The following CGGBP1 variants were observed in gnomAD, a reference collection of about 807,000 sequenced individuals.
The protein encoded by CGGBP1 is CGG triplet repeat binding protein 1, also known as CGG triplet repeat-binding protein 1.
A neutral mutation model predicts 11.4 loss-of-function variants in CGGBP1; 4 were observed. The observed-to-expected ratio is 0.35, with a 90% CI of 0.17 to 0.80. The LOEUF is 0.80. CGGBP1 is among the 30% of genes least tolerant of loss of function. The probability of loss-of-function intolerance (pLI) is 0.52; values close to 1 mark genes in which losing one functional copy is unlikely to be tolerated. For synonymous variants in CGGBP1, 76 were observed against 74.1 expected (o/e 1.03, Z -0.13); for missense variants, 135 against 202.1 (o/e 0.67, Z 2.01).
chr3:88,146,809 A>T (rs1707321128), intron 1 of CGGBP1, among the ~76,000 whole-genome samples: 1 of 152,118 alleles, frequency 6.6e-6, no homozygotes. Flanking sequence ...TTTGTCAGAA[A>T]GCCAGATCTC....
chr3:88,071,663 G>T (rs961935308), intron 2 of CGGBP1, among the ~76,000 whole-genome samples: 1 of 150,008 alleles, frequency 6.7e-6, no homozygotes, highest in Non-Finnish European at 1.5e-5. Flanking sequence ...AATTAGCCGG[G>T]CGTGGTGGCG....
intron 2 of CGGBP1, among the ~76,000 whole-genome samples, chr3:88,116,258 C>G: frequency 6.6e-6 from 1 of 152,182 alleles, no homozygotes; most frequent in South Asian, 2.1e-4. Context: ...TAGTGGTTCA[C>G]CCCTGTAATC....
At chr3:88,074,494 TC>T (rs1200269986) in intron 2 of CGGBP1, among the ~76,000 whole-genome samples, 1 of 151,986 alleles carries the variant, frequency 6.6e-6, no homozygotes, top group Non-Finnish European at 1.5e-5. Flanking sequence ...GGCATCTGCC[TC>T]CATGCCTGGC....
intron 2 of CGGBP1, chr3:88,139,792 GTGATTATGAAGAAGA>G (rs1369279320): frequency 5.1e-6 from 8 of 1,555,692 alleles, no homozygotes; most frequent in East Asian, 2.4e-5. Flanking sequence ...GATGAAGAAG[GTGATTATGAAGAAGA>G]TGATTATGAC....
intron 2 of CGGBP1, among the ~76,000 whole-genome samples, chr3:88,091,811 T>C (rs2107680827): frequency 6.6e-6 from 1 of 152,318 alleles, no homozygotes; most frequent in South Asian, 2.1e-4. Context: ...CATGCCTTTG[T>C]TCCTCCTTCG....
Position 88,052,593 on chromosome 3 carries a change from G to A in CGGBP1, c.*2880C>T, listed in dbSNP as rs141835951. Reference sequence around the variant, plus strand: ...CAACTGTACTTACAACAGTTTTAAAGCAATTGATACTTTCAGAACAATCTC... The same window carrying A: ...CAACTGTACTTACAACAGTTTTAAAACAATTGATACTTTCAGAACAATCTC... On this transcript the variant is annotated 3_prime_UTR_variant, in exon 4 of 4. Coordinates refer to ENST00000482016, the MANE Select transcript of CGGBP1 (RefSeq NM_001008390.2). 31 of 152,636 alleles carry A rather than the reference G, an allele frequency of 2.0e-4. No homozygotes were observed. Among genetic ancestry groups the A allele is most frequent in the African/African-American group, 6.7e-4 (28 of 41,574 alleles). The allele number at this position is 152,636 out of a possible 1,614,324, so 9.5% of individuals were successfully genotyped here. A position where few individuals can be genotyped will look rare whatever the true frequency, so the allele number is the denominator to read the frequency against.
Position 88,070,239 on chromosome 3 carries a change from A to G in CGGBP1, c.-228-12016T>C, listed in dbSNP as rs1008717828. ...AAATTTGGACACAATACTATTCTTC[A>G]TAACATTAATTATAATTAATGTAAT... On this transcript the variant is annotated intron_variant, in intron 2 of 3. Transcript: ENST00000462901. Among the ~76,000 whole-genome samples, 4 of 152,328 alleles carry G rather than the reference A, an allele frequency of 2.6e-5. No homozygotes were observed. In the East Asian group the frequency reaches 5.8e-4, roughly 22 times the overall value.
At chr3:88,136,444 G>A (rs4518156) in intron 2 of CGGBP1, among the ~76,000 whole-genome samples, 119,141 of 152,086 alleles carry the variant, frequency 0.78, 47,582 homozygotes, top group South Asian at 0.91. Flanking sequence ...CCTCAGTACT[G>A]TGAAGAGTCA....
chr3:88,059,610 C>G, upstream of CGGBP1: 1 of 1,399,012 alleles, frequency 7.1e-7, no homozygotes, highest in Non-Finnish European at 9.3e-7. Context: ...GTGCCCGCTC[C>G]TCCCCAACAA....
chr3:88,106,807 AT>A (rs940131296), intron 2 of CGGBP1, among the ~76,000 whole-genome samples: 1 of 151,486 alleles, frequency 6.6e-6, no homozygotes, highest in African/African-American at 2.4e-5. Context: ...TTATATGAGG[AT>A]TTTTTTTTCT....
chr3:88,129,656 A>T, intron 2 of CGGBP1: 1 of 1,366,244 alleles, frequency 7.3e-7, no homozygotes, highest in South Asian at 1.8e-5. Flanking sequence ...ATTTTTAATT[A>T]TATGAACTGA....
intron 2 of CGGBP1, among the ~76,000 whole-genome samples, chr3:88,081,408 TTCAC>T (rs983391706): frequency 5.5e-4 from 84 of 152,284 alleles, no homozygotes; most frequent in African/African-American, 1.8e-3. Flanking sequence ...TCCTCAAATT[TTCAC>T]TCACTATTAG....
upstream of CGGBP1, chr3:88,059,476 A>G: frequency 6.6e-7 from 1 of 1,515,236 alleles, no homozygotes; most frequent in Non-Finnish European, 8.8e-7. Context: ...CGGAATCAGC[A>G]GTCGGGATTA....
At chr3:88,139,182 C>G in intron 2 of CGGBP1, 1 of 1,417,106 alleles carries the variant, frequency 7.1e-7, no homozygotes, top group Non-Finnish European at 9.2e-7. Flanking sequence ...TCTTACAGAT[C>G]AGAGCACTGG....
At chr3:88,068,076 G>A (rs1707305282) in intron 2 of CGGBP1, among the ~76,000 whole-genome samples, 1 of 152,088 alleles carries the variant, frequency 6.6e-6, no homozygotes, top group Non-Finnish European at 1.5e-5. Context: ...TTTTGTGGTA[G>A]GAGTAAAGTT....
At chr3:88,076,686 T>G (rs927673712) in intron 2 of CGGBP1, among the ~76,000 whole-genome samples, 19 of 152,252 alleles carry the variant, frequency 1.2e-4, no homozygotes, top group African/African-American at 4.1e-4. Flanking sequence ...GTACTTCTTG[T>G]GCGTATATTT....
chr3:88,123,366 C>A (rs1285663388), intron 2 of CGGBP1, among the ~76,000 whole-genome samples: 2 of 152,122 alleles, frequency 1.3e-5, no homozygotes, highest in Admixed American at 1.3e-4. Context: ...TAATTTTTAT[C>A]TTAGAAAAAT....
intron 2 of CGGBP1, among the ~76,000 whole-genome samples, chr3:88,105,004 G>A (rs1266063746): frequency 3.9e-5 from 6 of 152,160 alleles, no homozygotes; most frequent in Non-Finnish European, 5.9e-5. Context: ...GTCAGGTGTG[G>A]TGGCGCGCGC....
chr3:88,086,152 T>G, intron 2 of CGGBP1: 1 of 1,031,856 alleles, frequency 9.7e-7, no homozygotes, highest in South Asian at 1.6e-5. Flanking sequence ...CCTGTGTTCA[T>G]GCCGATCTAA....
Sources: gnomAD v4.1 joint callset for allele counts (sites outside exome capture counted in the v4.1 genomes callset) on GRCh38, gnomAD v4.1.1 for gene constraint, MANE v1.5 for transcripts, NCBI Gene and HGNC (gene_info 2026-07-23, HGNC 2026-07-21) for gene names.